The following TMEM132D variants were observed in gnomAD, a reference collection of about 807,000 sequenced individuals.
The protein encoded by TMEM132D is mature OL transmembrane protein.
In TMEM132D, 21 loss-of-function variants were observed where a neutral mutation model predicts 62.3. That is an observed-to-expected ratio of 0.34 (90% CI 0.24 to 0.49). The LOEUF (loss-of-function observed/expected upper bound fraction) is 0.49. Ranked by LOEUF, TMEM132D falls within the 20% of genes least tolerant of loss-of-function variation. The pLI is 0.99. For missense variants in TMEM132D, 1,346 were observed against 1,402.8 expected (o/e 0.96, Z 0.65); for synonymous variants, 621 against 575.6 (o/e 1.08, Z -1.13).
chr12:129,342,065 G>A (rs1869508134), intron 3 of TMEM132D, among the ~76,000 whole-genome samples: 1 of 152,072 alleles, frequency 6.6e-6, no homozygotes, highest in Non-Finnish European at 1.5e-5. Flanking sequence ...CATAGAATTG[G>A]AAATAACTAC....
chr12:129,107,190 A>G (rs1875528653), intron 5 of TMEM132D, among the ~76,000 whole-genome samples: 1 of 152,232 alleles, frequency 6.6e-6, no homozygotes, highest in African/African-American at 2.4e-5. Flanking sequence ...AACCATAACA[A>G]GAGAAAAACA....
intron 2 of TMEM132D, among the ~76,000 whole-genome samples, chr12:129,554,659 G>A (rs1215563258): frequency 1.3e-5 from 2 of 152,050 alleles, no homozygotes; most frequent in African/African-American, 4.8e-5. Context: ...TATAACATGG[G>A]ACCACTTGTT....
intron 3 of TMEM132D, among the ~76,000 whole-genome samples, chr12:129,422,510 T>G (rs1457645041): frequency 6.6e-6 from 1 of 152,202 alleles, no homozygotes. Flanking sequence ...AACAGTTCCC[T>G]CATCAGATTA....
intron 1 of TMEM132D, among the ~76,000 whole-genome samples, chr12:129,834,323 G>C (rs1032586295): frequency 1.3e-5 from 2 of 151,918 alleles, no homozygotes; most frequent in African/African-American, 4.8e-5. Flanking sequence ...ATGGAGTTAT[G>C]GACAATTAGT....
intron 5 of TMEM132D, among the ~76,000 whole-genome samples, chr12:129,094,394 A>G (rs1593258699): frequency 6.6e-6 from 1 of 152,254 alleles, no homozygotes; most frequent in Non-Finnish European, 1.5e-5. Flanking sequence ...CACTTCTCAG[A>G]AGAAAACATT....
intron 3 of TMEM132D, among the ~76,000 whole-genome samples, chr12:129,502,042 C>T (rs1194882079): frequency 6.6e-6 from 1 of 151,834 alleles, no homozygotes; most frequent in Admixed American, 6.6e-5. Context: ...GCTCTGTCGT[C>T]CAGGTGGAGT....
At chr12:129,551,347 A>ATTGC (rs1212626406) in intron 2 of TMEM132D, among the ~76,000 whole-genome samples, 37 of 152,336 alleles carry the variant, frequency 2.4e-4, no homozygotes, top group African/African-American at 8.7e-4. Context: ...CTGGAAAATC[A>ATTGC]TTGCCTGCCT....
chr12:129,595,993 T>C (rs1033061674), intron 2 of TMEM132D, among the ~76,000 whole-genome samples: 1 of 152,192 alleles, frequency 6.6e-6, no homozygotes, highest in African/African-American at 2.4e-5. Flanking sequence ...AAAAAAGGAA[T>C]CAATAAGTTC....
chr12:129,624,259 G>T (rs1407711549), intron 2 of TMEM132D, among the ~76,000 whole-genome samples: 2 of 152,152 alleles, frequency 1.3e-5, no homozygotes, highest in African/African-American at 4.8e-5. Flanking sequence ...ATGTCTTTTA[G>T]GAGTCCAATG....
At chr12:129,570,484 C>T (rs1331370759) in intron 2 of TMEM132D, among the ~76,000 whole-genome samples, 5 of 152,212 alleles carry the variant, frequency 3.3e-5, no homozygotes, top group Admixed American at 1.3e-4. Context: ...ACCACAGGTT[C>T]GTGACCAAGA....
chr12:129,868,722 C>T (rs967079849), intron 1 of TMEM132D, among the ~76,000 whole-genome samples: 26 of 152,146 alleles, frequency 1.7e-4, no homozygotes, highest in African/African-American at 3.4e-4. Context: ...TTTCTAGGGC[C>T]GGGACAAGCT....
chr12:129,374,748 C>T (rs540150321), intron 3 of TMEM132D, among the ~76,000 whole-genome samples: 1 of 152,294 alleles, frequency 6.6e-6, no homozygotes, highest in South Asian at 2.1e-4. Context: ...TTAGACACAG[C>T]TTGCCTTACT....
intron 5 of TMEM132D, among the ~76,000 whole-genome samples, chr12:129,113,771 C>T (rs28573675): frequency 6.1e-5 from 9 of 148,238 alleles, no homozygotes; most frequent in East Asian, 2.0e-4. Context: ...GGGAAAGGGC[C>T]GGGCTGGGTG....
intron 1 of TMEM132D, among the ~76,000 whole-genome samples, chr12:129,793,475 G>A (rs920340669): frequency 3.3e-5 from 5 of 152,000 alleles, no homozygotes; most frequent in South Asian, 4.1e-4. Flanking sequence ...CAGCTCAAGC[G>A]ATCCTCCCAC....
At chr12:129,602,738 C>A (rs1593084286) in intron 2 of TMEM132D, among the ~76,000 whole-genome samples, 1 of 152,186 alleles carries the variant, frequency 6.6e-6, no homozygotes, top group Non-Finnish European at 1.5e-5. Flanking sequence ...CACCATCCCC[C>A]ACCAGAGGGT....
intron 1 of TMEM132D, among the ~76,000 whole-genome samples, chr12:129,719,690 G>A (rs184769976): frequency 1.3e-5 from 2 of 152,296 alleles, no homozygotes; most frequent in East Asian, 1.9e-4. Context: ...TTAGTTATTC[G>A]ACCAGAAAGT....
chr12:129,819,265 T>C (rs1872473825), intron 1 of TMEM132D, among the ~76,000 whole-genome samples: 1 of 152,114 alleles, frequency 6.6e-6, no homozygotes. Context: ...ATCATGGCAT[T>C]TGATGAATGG....
At chr12:129,545,884 T>C (rs1876718462) in intron 2 of TMEM132D, among the ~76,000 whole-genome samples, 1 of 152,206 alleles carries the variant, frequency 6.6e-6, no homozygotes, top group Admixed American at 6.5e-5. Context: ...CTCTCGGAGC[T>C]GTCTCTCTTC....
chr12:129,251,836 G>A (rs1412824818), intron 4 of TMEM132D, among the ~76,000 whole-genome samples: 3 of 152,080 alleles, frequency 2.0e-5, no homozygotes, highest in African/African-American at 7.2e-5. Context: ...TTCTACTTCT[G>A]CTAGTTGGAC....
Sources: gnomAD v4.1 joint callset for allele counts (sites outside exome capture counted in the v4.1 genomes callset) on GRCh38, gnomAD v4.1.1 for gene constraint, MANE v1.5 for transcripts, NCBI Gene and HGNC (gene_info 2026-07-23, HGNC 2026-07-21) for gene names.